ITGAV: variants seen among roughly 807,000 people sequenced by gnomAD.
ITGAV encodes integrin subunit alpha V.
A neutral mutation model predicts 143.8 loss-of-function variants in ITGAV; 76 were observed. That is an observed-to-expected ratio of 0.53 (90% CI 0.44 to 0.64). The LOEUF (loss-of-function observed/expected upper bound fraction) is 0.64. Among genes scored for constraint, ITGAV ranks in the 30% least tolerant of loss-of-function variants. ITGAV has a pLI of 0.00. For missense variants in ITGAV, 1,193 were observed against 1,274.7 expected, an observed-to-expected ratio of 0.94 and a Z score of 0.98; for synonymous variants, 453 against 446.7, an observed-to-expected ratio of 1.01 and a Z score of -0.18.
chr2:186,600,997 G>T (rs6434189), intron 1 of ITGAV, among the ~76,000 whole-genome samples: 151,357 of 151,864 alleles, frequency 1, 75,428 homozygotes, highest in Middle Eastern at 1. Context: ...GGTTGTTTTA[G>T]TCATCTGGTA....
At chr2:186,673,492 G>C (rs1172522246) in intron 26 of ITGAV, among the ~76,000 whole-genome samples, 1 of 152,120 alleles carries the variant, frequency 6.6e-6, no homozygotes, top group Non-Finnish European at 1.5e-5. Flanking sequence ...AACCTAGGGA[G>C]TATTGCTATC....
intron 21 of ITGAV, among the ~76,000 whole-genome samples, chr2:186,665,883 C>T (rs1559066988): frequency 1.3e-5 from 2 of 152,082 alleles, no homozygotes; most frequent in Admixed American, 1.3e-4. Flanking sequence ...AGTATGTTTT[C>T]TATTACAAGT....
intron 2 of ITGAV, among the ~76,000 whole-genome samples, chr2:186,621,205 T>C (rs1431749322): frequency 2.0e-5 from 3 of 152,230 alleles, no homozygotes; most frequent in Non-Finnish European, 4.4e-5. Flanking sequence ...TTAAAAATTA[T>C]TGTGAAAATT....
At chr2:186,659,462 G>T (rs1013884924) in intron 18 of ITGAV, among the ~76,000 whole-genome samples, 7 of 151,858 alleles carry the variant, frequency 4.6e-5, no homozygotes, top group Non-Finnish European at 1.0e-4. Flanking sequence ...CAAAGTGCCA[G>T]TTTGTTTACA....
chr2:186,641,756 T>C lies in ITGAV; in HGVS notation c.1159+168T>C, dbSNP rs533821313. ...TTTAAAGACAGTTTGCTATTTTTCT[T>C]TAAAAATCAGAGCAAAGATTTCAAT... is the stretch of plus-strand genomic sequence containing the variant. On this transcript the variant is annotated intron_variant, in intron 12 of 29. Transcript: ENST00000261023. 3.9e-5 allele frequency: 23 copies of C among 595,708 alleles called. No homozygotes were observed. In the East Asian group the frequency reaches 6.2e-4, roughly 16 times the overall value. 36.9% of individuals were successfully genotyped at this position (595,708 alleles called of 1,614,324 possible). A position where few individuals can be genotyped will look rare whatever the true frequency, so the allele number is the denominator to read the frequency against.
chr2:186,665,248 T>C, intron 21 of ITGAV, 30 bp downstream of exon 21: 1 of 1,392,646 alleles, frequency 7.2e-7, no homozygotes, highest in Non-Finnish European at 1.0e-6. Flanking sequence ...CGGATTTTTC[T>C]CCCTGGCAAA....
intron 24 of ITGAV, chr2:186,668,033 A>G (rs1419229539): frequency 1.0e-5 from 2 of 197,434 alleles, no homozygotes; most frequent in Non-Finnish European, 2.0e-5. Flanking sequence ...AAGAAATGTC[A>G]TTGGTACTTT....
Position 186,678,983 on chromosome 2 carries a change from CCTT to C in ITGAV, c.*1694_*1696del, listed in dbSNP as rs1689285927. On this transcript the variant is annotated 3_prime_UTR_variant, in exon 30 of 30. Transcript: ENST00000261023. ...ATACAAGGTAGGACTCTAGACAAAA[CCTT>C]CTATTTTAGCTTTAGTGAATTTCAA... is the stretch of plus-strand genomic sequence containing the variant. 1 of 261,790 alleles carries C rather than the reference CCTT, an allele frequency of 3.8e-6. No homozygotes were observed. The highest frequency in any genetic ancestry group is 7.5e-6 in the Non-Finnish European group (1 of 134,094). The allele number at this position is 261,790 out of a possible 1,614,324, so 16.2% of individuals were successfully genotyped here. A position where few individuals can be genotyped will look rare whatever the true frequency, so the allele number is the denominator to read the frequency against.
At chr2:186,628,911 A>G (rs1687747363) in intron 4 of ITGAV, among the ~76,000 whole-genome samples, 2 of 152,054 alleles carry the variant, frequency 1.3e-5, no homozygotes, top group South Asian at 4.1e-4. Context: ...TCTCTTATTT[A>G]CTAGCTGGTT....
At chr2:186,636,997 T>C (rs1687962533) in intron 7 of ITGAV, 68 bp from the exon 8 acceptor site, 34 of 1,283,606 alleles carry the variant, frequency 2.6e-5, no homozygotes, top group Non-Finnish European at 3.7e-5. Context: ...CAAGGAATGC[T>C]TACTCAGCAA....
intron 24 of ITGAV, 169 bp from the exon 25 acceptor site, chr2:186,668,593 G>A: frequency 1.7e-6 from 1 of 600,058 alleles, no homozygotes; most frequent in South Asian, 2.0e-5. Context: ...CAAATGTTGA[G>A]TTTGATCATT....
intron 12 of ITGAV, among the ~76,000 whole-genome samples, chr2:186,644,349 C>G (rs1688190712): frequency 6.7e-6 from 1 of 149,876 alleles, no homozygotes; most frequent in African/African-American, 2.5e-5. Context: ...TTTTTTTAGA[C>G]TGAGTCTCAT....
rs536289285 is a variant in ITGAV, at chr2:186,663,769, C to T, written c.1859C>T (p.Ala620Val). 1.9e-6 allele frequency: 3 copies of T among 1,609,684 alleles called. No homozygotes were observed. Among genetic ancestry groups the T allele is most frequent in the Non-Finnish European group, 1.7e-6 (2 of 1,176,582 alleles). The change falls in exon 19 of 30, where the codon GCT (alanine) becomes GTT (valine). Residue 620 changes from alanine to valine, a missense_variant and splice_region_variant. Coordinates refer to ENST00000261023, the MANE Select transcript of ITGAV (RefSeq NM_002210.5). ...GAAAAATAAAATGTTTTTTTCTAGG[C>T]TCACATTCTACTTGACTGTGGTGAA... ...QFTPANISRQ[A>V]HILLDCGEDN...
Position 186,602,098 on chromosome 2 carries a change from A to G in ITGAV, c.263A>G (p.Lys88Arg), listed in dbSNP as rs754337745. 9.3e-6 allele frequency: 15 copies of G among 1,613,556 alleles called. No homozygotes were observed. The African/African-American group carries it at 1.9e-4, about 20-fold the overall frequency. ...ATTGTGGAAGGAGGGCAGGTCCTCA[A>G]ATGTGACTGGTCTTCTACCCGCCGG... is the stretch of plus-strand genomic sequence containing the variant. The part of the protein sequence containing the change: ...PGIVEGGQVL[K>R]CDWSSTRRCQ... The change falls in exon 2 of 30, where the codon AAA (lysine) becomes AGA (arginine). Residue 88 changes from lysine to arginine, a missense_variant. Physicochemically the swap from Lys to Arg is conservative, Grantham distance 26. Coordinates refer to ENST00000261023, the MANE Select transcript of ITGAV (RefSeq NM_002210.5).
rs1559074339 is a variant in ITGAV at position 186,680,856 on chromosome 2, AAC to A, written c.*3566_*3567del. 1 of 152,646 alleles carries A rather than the reference AAC, an allele frequency of 6.6e-6. No individual in the cohort carries two copies. Among genetic ancestry groups the A allele is most frequent in the Non-Finnish European group, 1.5e-5 (1 of 68,020 alleles). 9.5% of individuals were successfully genotyped at this position (152,646 alleles called of 1,614,324 possible). A position where few individuals can be genotyped will look rare whatever the true frequency, so the allele number is the denominator to read the frequency against. On this transcript the variant is annotated 3_prime_UTR_variant, in exon 30 of 30. Transcript: ENST00000261023. ...TGGTACAGTGTTCTGCTTGATTTACAACATGTAACTTGTGACTGTACAATAAA... is the reference window on the plus strand; with the variant it reads ...TGGTACAGTGTTCTGCTTGATTTACAATGTAACTTGTGACTGTACAATAAA...
chr2:186,665,321 G>A (rs1277105737), intron 21 of ITGAV, 103 bp downstream of exon 21: 1 of 731,226 alleles, frequency 1.4e-6, no homozygotes, highest in Non-Finnish European at 2.3e-6. Context: ...TCAAAACAAT[G>A]TCCTTAAATT....
chr2:186,639,269 A>G (rs986190327), intron 10 of ITGAV, among the ~76,000 whole-genome samples: 4 of 152,172 alleles, frequency 2.6e-5, no homozygotes, highest in African/African-American at 9.7e-5. Flanking sequence ...AGGTAGAGAA[A>G]AATCTTTCTC....
intron 18 of ITGAV, among the ~76,000 whole-genome samples, chr2:186,663,137 G>A (rs1688793894): frequency 6.6e-6 from 1 of 151,958 alleles, no homozygotes; most frequent in African/African-American, 2.4e-5. Context: ...AAAAAGTTCA[G>A]GTCTTTGTTT....
chr2:186,669,332 C>T (rs1407517642), intron 25 of ITGAV, among the ~76,000 whole-genome samples: 1 of 152,138 alleles, frequency 6.6e-6, no homozygotes, highest in Admixed American at 6.5e-5. Context: ...CATAGATTTG[C>T]ACTAGAAACT....
Sources: gnomAD v4.1 joint callset for allele counts (sites outside exome capture counted in the v4.1 genomes callset) on GRCh38, gnomAD v4.1.1 for gene constraint, MANE v1.5 for transcripts, NCBI Gene and HGNC (gene_info 2026-07-23, HGNC 2026-07-21) for gene names.